The following UGGT2 variants were observed in gnomAD, a reference collection of about 807,000 sequenced individuals.
The protein encoded by UGGT2 is UDP-glucose glycoprotein glucosyltransferase 2, also known as UDP-glucose:glycoprotein glucosyltransferase 2.
UGGT2 carries 180 observed loss-of-function variants against 192.1 expected under a neutral mutation model. That is an observed-to-expected ratio of 0.94 (90% CI 0.83 to 1.06). The LOEUF (loss-of-function observed/expected upper bound fraction) is 1.06, where lower values mean the gene tolerates loss of function less well. UGGT2 is among the 50% of genes least tolerant of loss of function. The pLI, the probability that UGGT2 is intolerant of heterozygous loss-of-function variation, is 0.00. For synonymous variants in UGGT2, 580 were observed against 591.0 expected (o/e 0.98, Z 0.27); for missense variants, 1,849 against 1,795.7 (o/e 1.03, Z -0.54).
chr13:95,924,347 A>G (rs2048944642), intron 20 of UGGT2, among the ~76,000 whole-genome samples: 1 of 142,702 alleles, frequency 7.0e-6, no homozygotes, highest in Non-Finnish European at 1.5e-5. Flanking sequence ...AAGAAACAGC[A>G]GGCAAAAGTT....
intron 4 of UGGT2, among the ~76,000 whole-genome samples, chr13:96,014,834 T>C (rs1372055296): frequency 1.3e-5 from 2 of 152,192 alleles, no homozygotes; most frequent in East Asian, 1.9e-4. Context: ...GGAACTCAAA[T>C]GTCACTTATA....
At chr13:95,846,404 G>C (rs1476350314) in intron 36 of UGGT2, among the ~76,000 whole-genome samples, 2 of 151,966 alleles carry the variant, frequency 1.3e-5, no homozygotes, top group East Asian at 3.9e-4. Flanking sequence ...GGGCATCAGA[G>C]GGAGACCGTG....
chr13:95,986,334 T>C lies in UGGT2; in HGVS notation c.1030A>G (p.Arg344Gly). Residue 344 changes from arginine to glycine, a missense_variant and splice_region_variant, in exon 9 of 39, where the codon AGA (arginine) becomes GGA (glycine). Physicochemically the swap from Arg to Gly is moderately radical, Grantham distance 125. Transcript: ENST00000376747. ...TGAAACCTATAAACTTTAACATACC[T>C]GGCTTTTATGGGGAAGTTCTGTGAA... ...DISQNFPIKA[R>G]SLTRIAVNQH... 1 of 1,575,750 alleles carries C rather than the reference T, an allele frequency of 6.3e-7. No homozygotes were observed. Among genetic ancestry groups the C allele is most frequent in the Non-Finnish European group, 8.7e-7 (1 of 1,147,628 alleles).
At chr13:95,970,342 G>C in intron 11 of UGGT2, 80 bp from the exon 12 acceptor site, 2 of 1,319,970 alleles carry the variant, frequency 1.5e-6, no homozygotes, top group Non-Finnish European at 2.1e-6. Context: ...TAGTCTTAAA[G>C]CATTAGAAAT....
At chr13:95,821,022 T>C (rs1885454838) in intron 38 of UGGT2, among the ~76,000 whole-genome samples, 2 of 152,198 alleles carry the variant, frequency 1.3e-5, no homozygotes, top group African/African-American at 4.8e-5. Context: ...GTTGGTTCTT[T>C]GCAATTGTGA....
intron 19 of UGGT2, among the ~76,000 whole-genome samples, chr13:95,926,677 A>C (rs1057326850): frequency 6.6e-6 from 1 of 152,124 alleles, no homozygotes; most frequent in Non-Finnish European, 1.5e-5. Flanking sequence ...AAATATCTGC[A>C]TGTTATTTAA....
chr13:96,052,714 A>G (rs1263391663), intron 1 of UGGT2, among the ~76,000 whole-genome samples: 2 of 152,228 alleles, frequency 1.3e-5, no homozygotes, highest in African/African-American at 4.8e-5. Flanking sequence ...TTCCGTTGGA[A>G]GAGATACAGG....
chr13:95,996,221 G>T, intron 6 of UGGT2, 86 bp from the exon 7 acceptor site: 1 of 1,219,822 alleles, frequency 8.2e-7, no homozygotes, highest in Non-Finnish European at 1.2e-6. Flanking sequence ...GAAGAACTTG[G>T]CCAGGTGCGG....
At chr13:95,965,750 G>T (rs1428589890) in intron 12 of UGGT2, among the ~76,000 whole-genome samples, 1 of 151,384 alleles carries the variant, frequency 6.6e-6, no homozygotes, top group Non-Finnish European at 1.5e-5. Context: ...TAATAATAAT[G>T]AAAAAAATAA....
rs775107315 is a variant in UGGT2, at chr13:96,023,632, C to G, written c.369G>C (p.Gln123His). The change falls in exon 3 of 39, where the codon CAG becomes CAC. Residue 123 changes from glutamine (Q) to histidine (H), a missense_variant. By Grantham distance (24) the Gln-to-His change is conservative. Coordinates refer to ENST00000376747, the MANE Select transcript of UGGT2 (RefSeq NM_020121.4). Reference sequence around the variant, plus strand: ...CAGATTGGGTATTTTTACGCACCTGCTGAAACATCTGAATAGCTGGGGAGT... The same window carrying G: ...CAGATTGGGTATTTTTACGCACCTGGTGAAACATCTGAATAGCTGGGGAGT... Reference protein sequence around the residue: ...RAYSPAIQMFQQIAADEPPPD... With the variant: ...RAYSPAIQMFHQIAADEPPPD... 1 of 1,604,890 alleles carries G rather than the reference C, an allele frequency of 6.2e-7. No homozygotes were observed. Among genetic ancestry groups the G allele is most frequent in the Non-Finnish European group, 8.5e-7 (1 of 1,175,040 alleles).
intron 24 of UGGT2, among the ~76,000 whole-genome samples, 172 bp downstream of exon 24, chr13:95,894,390 T>G (rs1209684263): frequency 1.3e-5 from 2 of 152,168 alleles, no homozygotes. Flanking sequence ...TACCCTTTAT[T>G]TACTAGAATA....
At chr13:95,901,342 T>C (rs1187158897) in intron 21 of UGGT2, among the ~76,000 whole-genome samples, 2 of 152,104 alleles carry the variant, frequency 1.3e-5, no homozygotes, top group Non-Finnish European at 2.9e-5. Context: ...TTTCTCCCCA[T>C]TATACTAATC....
intron 24 of UGGT2, 28 bp from the exon 25 acceptor site, chr13:95,890,992 A>G: frequency 6.6e-7 from 1 of 1,511,928 alleles, no homozygotes; most frequent in Non-Finnish European, 9.1e-7. Flanking sequence ...AAGATGAAAG[A>G]TGACGTGTTA....
intron 38 of UGGT2, among the ~76,000 whole-genome samples, chr13:95,816,500 A>C (rs761620123): frequency 6.6e-6 from 1 of 152,262 alleles, no homozygotes; most frequent in Non-Finnish European, 1.5e-5. Flanking sequence ...CCAAAGGTTC[A>C]TCAAATAGAA....
intron 20 of UGGT2, among the ~76,000 whole-genome samples, chr13:95,914,248 A>T (rs1314140737): frequency 1.4e-5 from 2 of 145,960 alleles, no homozygotes; most frequent in African/African-American, 5.0e-5. Context: ...AAGTATAATA[A>T]AAAAAAAAAA....
chr13:95,943,680 T>G (rs2049767837), intron 15 of UGGT2, among the ~76,000 whole-genome samples: 1 of 152,034 alleles, frequency 6.6e-6, no homozygotes, highest in Non-Finnish European at 1.5e-5. Context: ...CTGTGTCAAA[T>G]CTCACAATCA....
intron 1 of UGGT2, among the ~76,000 whole-genome samples, chr13:96,041,276 T>C (rs576223880): frequency 1.6e-4 from 24 of 152,250 alleles, no homozygotes; most frequent in East Asian, 1.4e-3. Flanking sequence ...TGACCTTACC[T>C]GGGGCTGAGT....
intron 29 of UGGT2, 62 bp downstream of exon 29, chr13:95,877,217 G>T: frequency 1.6e-6 from 2 of 1,279,364 alleles, no homozygotes; most frequent in Non-Finnish European, 2.2e-6. Flanking sequence ...TGATTCTCTT[G>T]GTTGTATTAC....
intron 38 of UGGT2, among the ~76,000 whole-genome samples, chr13:95,806,958 G>A (rs1280970916): frequency 6.6e-6 from 1 of 152,138 alleles, no homozygotes; most frequent in Non-Finnish European, 1.5e-5. Flanking sequence ...GGAAATCTTT[G>A]TGAATTGGAT....
Sources: gnomAD v4.1 joint callset for allele counts (sites outside exome capture counted in the v4.1 genomes callset) on GRCh38, gnomAD v4.1.1 for gene constraint, MANE v1.5 for transcripts, NCBI Gene and HGNC (gene_info 2026-07-23, HGNC 2026-07-21) for gene names.